The following TRPM2 variants were observed in gnomAD, a reference collection of about 807,000 sequenced individuals.
The protein encoded by TRPM2 is transient receptor potential cation channel subfamily M member 2, also known as estrogen-responsive element-associated gene 1 protein.
Under a neutral mutation model 174.0 loss-of-function variants are expected in TRPM2, and 161 were observed. The observed-to-expected ratio is 0.93, with a 90% confidence interval of 0.81 to 1.05. TRPM2 has a LOEUF of 1.05. Among genes scored for constraint, TRPM2 ranks in the 50% least tolerant of loss-of-function variants. The pLI, the probability that TRPM2 is intolerant of heterozygous loss-of-function variation, is 0.00. For synonymous variants in TRPM2, 954 were observed against 861.3 expected (o/e 1.11, Z -1.88); for missense variants, 2,057 against 2,038.0 (o/e 1.01, Z -0.18).
intron 22 of TRPM2, among the ~76,000 whole-genome samples, chr21:44,421,509 G>T (rs2146361534): frequency 6.6e-6 from 1 of 152,232 alleles, no homozygotes; most frequent in Middle Eastern, 3.4e-3. Context: ...AGTGGCTCAT[G>T]CTTGTAATCC....
chr21:44,422,873 C>T (rs377455201), intron 22 of TRPM2, among the ~76,000 whole-genome samples: 25 of 3,072 alleles, frequency 8.1e-3, no homozygotes, highest in African/African-American at 0.033. Flanking sequence ...CTTAGAACAG[C>T]AGCACTGCTC....
intron 19 of TRPM2, among the ~76,000 whole-genome samples, chr21:44,410,422 G>A (rs2050067177): frequency 1.3e-5 from 1 of 77,066 alleles, no homozygotes; most frequent in African/African-American, 4.1e-5. Flanking sequence ...GCACTCTCTT[G>A]GTTGGCATAG....
Position 44,354,608 on chromosome 21 carries a change from C to A in TRPM2, c.166-40C>A, listed in dbSNP as rs370646137. ...CTCCAGGGGGCTGGGTGTGCTCTTT[C>A]GAATGTTGGAAGATCTCAGTGTGCT... On this transcript the variant is annotated intron_variant, in intron 1 of 31. Coordinates refer to ENST00000397928, the MANE Select transcript of TRPM2 (RefSeq NM_003307.4). The surrounding 1 kb of genome is among the most constrained non-coding windows in gnomAD (Gnocchi z 4.3). The A allele has an allele frequency of 2.5e-6, 4 of 1,579,012 alleles. No individual in the cohort carries two copies. Among genetic ancestry groups the A allele is most frequent in the East Asian group, 2.2e-5 (1 of 44,700 alleles).
chr21:44,422,013 C>T (rs2146363203), intron 22 of TRPM2, among the ~76,000 whole-genome samples: 1 of 152,360 alleles, frequency 6.6e-6, no homozygotes, highest in Admixed American at 6.5e-5. Context: ...CTGTCACTCC[C>T]ATTGGTCAGC....
upstream of TRPM2, chr21:44,353,216 TG>T (rs2047956437): frequency 6.5e-6 from 1 of 152,712 alleles, no homozygotes; most frequent in South Asian, 2.1e-4. Context: ...AAAAAAATTT[TG>T]GAATATGAAA....
intron 19 of TRPM2, among the ~76,000 whole-genome samples, chr21:44,410,978 A>G (rs373375101): frequency 2.2e-4 from 18 of 82,082 alleles, no homozygotes; most frequent in East Asian, 4.2e-4. Context: ...AGTTTTGACC[A>G]CACTGTCTTG....
chr21:44,369,353 G>A lies in TRPM2; in HGVS notation c.771+10G>A. On this transcript the variant is annotated intron_variant, in intron 5 of 31. Transcript: ENST00000397928. ...CCTGATCCATCCCACGGTGAGTGCG[G>A]CCCCCTAGGGAGGGGAGCCTAAGAC... 15 of 1,600,194 alleles carry A rather than the reference G, an allele frequency of 9.4e-6. No homozygotes were observed. The highest frequency in any genetic ancestry group is 1.3e-5 in the Non-Finnish European group (15 of 1,170,914).
intron 15 of TRPM2, among the ~76,000 whole-genome samples, 160 bp downstream of exon 15, chr21:44,400,531 C>G (rs1601155852): frequency 6.6e-6 from 1 of 152,336 alleles, no homozygotes; most frequent in East Asian, 1.9e-4. Context: ...GGGTGGGAAG[C>G]AGAGCAGGGC....
chr21:44,365,650 G>A (rs1331945411), intron 3 of TRPM2, among the ~76,000 whole-genome samples: 1 of 152,148 alleles, frequency 6.6e-6, no homozygotes, highest in Non-Finnish European at 1.5e-5. Context: ...TGAGCCTGGG[G>A]TCTGGCTGCA....
chr21:44,439,085 G>T lies in TRPM2; in HGVS notation c.4186G>T (p.Glu1396Ter). ...TGTCCAGGGCTCCCGGGAGCCAGGG[G>T]AGATGCTACCTCGGAAGCTGAAGCG... Reference protein sequence around the residue: ...ALPGGSREPGEMLPRKLKRIL... With the variant: ...ALPGGSREPG The change falls in exon 30 of 32, where the codon GAG (glutamate) becomes TAG (stop). Residue 1396 changes from glutamate (E) to a stop codon, truncating the protein, a stop_gained. Coordinates refer to ENST00000397928, the MANE Select transcript of TRPM2 (RefSeq NM_003307.4). LOFTEE classifies it high-confidence loss of function. This position sits in a 1 kb window ranked among gnomAD's most constrained non-coding sequence, Gnocchi z 5.1. 1 of 1,613,378 alleles carries T rather than the reference G, an allele frequency of 6.2e-7. No individual in the cohort carries two copies. Among genetic ancestry groups the T allele is most frequent in the Non-Finnish European group, 8.5e-7 (1 of 1,179,816 alleles).
chr21:44,431,242 T>A (rs1472396947), intron 27 of TRPM2, among the ~76,000 whole-genome samples: 1 of 151,966 alleles, frequency 6.6e-6, no homozygotes, highest in African/African-American at 2.4e-5. Context: ...TGTGTAGGGA[T>A]TTTATTTTTT....
intron 6 of TRPM2, 37 bp from the exon 7 acceptor site, chr21:44,377,675 T>C (rs371601518): frequency 6.2e-7 from 1 of 1,611,246 alleles, no homozygotes; most frequent in Non-Finnish European, 8.5e-7. Flanking sequence ...GTGCTTTGTT[T>C]AGGTGTGGCC....
At chr21:44,436,162 C>T (rs2051258242) in intron 28 of TRPM2, among the ~76,000 whole-genome samples, 1 of 152,200 alleles carries the variant, frequency 6.6e-6, no homozygotes, top group Non-Finnish European at 1.5e-5. Context: ...CCACTGCTCT[C>T]ACCCAAGGCA....
rs2050110290 is a variant in TRPM2 at position 44,411,636 on chromosome 21, T to TG, written c.2963-2250dup. 2.6e-5 allele frequency among the ~76,000 whole-genome samples: 4 copies of TG among 152,234 alleles called. No homozygotes were observed. In the South Asian group the frequency reaches 8.3e-4, roughly 32 times the overall value. Reference sequence around the variant, plus strand: ...GTACAATGTTGAACAGAAGGGACAATGGGGGACATCCTTGCTTTGCTCCTG... The same window carrying TG: ...GTACAATGTTGAACAGAAGGGACAATGGGGGGACATCCTTGCTTTGCTCCTG... On this transcript the variant is annotated intron_variant, in intron 19 of 31. Coordinates refer to ENST00000397928, the MANE Select transcript of TRPM2 (RefSeq NM_003307.4).
intron 16 of TRPM2, among the ~76,000 whole-genome samples, chr21:44,403,912 TAC>T (rs1388309219): frequency 2.0e-5 from 3 of 150,688 alleles, no homozygotes; most frequent in Non-Finnish European, 2.9e-5. Context: ...CACACATGCA[TAC>T]ACACATACAC....
chr21:44,399,574 T>G lies in TRPM2; in HGVS notation c.2208+133T>G, dbSNP rs555700808. Reference sequence around the variant, plus strand: ...CCCTCAGCAGCTCGGGGACAGCGCCTGACCCCTCGGCCACCTGCTCCAGGC... The same window carrying G: ...CCCTCAGCAGCTCGGGGACAGCGCCGGACCCCTCGGCCACCTGCTCCAGGC... On this transcript the variant is annotated intron_variant, in intron 14 of 31. Coordinates refer to ENST00000397928, the MANE Select transcript of TRPM2 (RefSeq NM_003307.4). This position sits in a 1 kb window ranked among gnomAD's most constrained non-coding sequence, Gnocchi z 4.6. The G allele has an allele frequency of 7.0e-4, 883 of 1,263,400 alleles. 16 individuals are homozygous for G. In the South Asian group the frequency reaches 0.014, roughly 21 times the overall value. The allele number at this position is 1,263,400 out of a possible 1,614,324, so 78.3% of individuals were successfully genotyped here. A position where few individuals can be genotyped will look rare whatever the true frequency, so the allele number is the denominator to read the frequency against.
chr21:44,427,191 A>C, intron 27 of TRPM2, 80 bp downstream of exon 27: 1 of 1,244,804 alleles, frequency 8.0e-7, no homozygotes, highest in East Asian at 2.6e-5. Flanking sequence ...TGGGCAAAGG[A>C]AGCATTTTTC....
At chr21:44,411,181 A>G (rs187011838) in intron 19 of TRPM2, among the ~76,000 whole-genome samples, 1 of 152,308 alleles carries the variant, frequency 6.6e-6, no homozygotes, top group African/African-American at 2.4e-5. Flanking sequence ...GAATTTTTGG[A>G]TCAGCTCATC....
intron 19 of TRPM2, among the ~76,000 whole-genome samples, chr21:44,408,209 A>C (rs1392017289): frequency 6.6e-6 from 1 of 152,090 alleles, no homozygotes; most frequent in Admixed American, 6.6e-5. Context: ...GGCCTCCCAA[A>C]GTGCTGGGAT....
Sources: allele counts gnomAD v4.1 joint callset (sites outside exome capture counted in the v4.1 genomes callset), GRCh38; gene constraint gnomAD v4.1.1; non-coding constraint Gnocchi (gnomAD v3.1); transcripts MANE v1.5; gene names NCBI Gene and HGNC (gene_info 2026-07-23, HGNC 2026-07-21).